NLGN1: variants seen among roughly 807,000 people sequenced by gnomAD.
NLGN1 encodes neuroligin 1, also known as neuroligin-1.
NLGN1 carries 12 observed loss-of-function variants against 65.5 expected under a neutral mutation model. That is an observed-to-expected ratio of 0.18 (90% CI 0.12 to 0.30). The LOEUF is 0.30. NLGN1 is among the 10% of genes least tolerant of loss of function. The pLI, the probability that NLGN1 is intolerant of heterozygous loss-of-function variation, is 1.00. For synonymous variants in NLGN1, 350 were observed against 359.5 expected (o/e 0.97, Z 0.30); for missense variants, 750 against 1,007.1 (o/e 0.74, Z 3.46).
intron 4 of NLGN1, among the ~76,000 whole-genome samples, chr3:174,015,915 T>G (rs1049528364): frequency 6.6e-6 from 1 of 151,748 alleles, no homozygotes; most frequent in African/African-American, 2.4e-5. Context: ...AAGAGTAAAA[T>G]AAAAGGTGGC....
chr3:173,454,950 A>G (rs1353449085), intron 2 of NLGN1, among the ~76,000 whole-genome samples: 1 of 152,166 alleles, frequency 6.6e-6, no homozygotes, highest in Admixed American at 6.5e-5. Context: ...CCTAACTTTA[A>G]TACTGTTGTG....
intron 4 of NLGN1, among the ~76,000 whole-genome samples, chr3:173,928,961 T>G (rs1743537109): frequency 1.3e-5 from 2 of 152,196 alleles, no homozygotes; most frequent in African/African-American, 4.8e-5. Flanking sequence ...TGAGCCACCA[T>G]GCCTGGCCTG....
At chr3:173,398,276 A>T (rs1716993129), upstream of NLGN1, among the ~76,000 whole-genome samples, 1 of 152,136 alleles carries the variant, frequency 6.6e-6, no homozygotes, top group Admixed American at 6.5e-5. Flanking sequence ...TTTGACAGGG[A>T]TAAGAAAGTT....
chr3:174,033,777 A>G (rs1730536961), intron 4 of NLGN1, among the ~76,000 whole-genome samples: 1 of 152,172 alleles, frequency 6.6e-6, no homozygotes, highest in Non-Finnish European at 1.5e-5. Context: ...GAGAATTTAA[A>G]AAGCAAAACA....
intron 4 of NLGN1, among the ~76,000 whole-genome samples, chr3:173,826,906 G>T (rs1185546118): frequency 3.9e-5 from 6 of 152,012 alleles, no homozygotes; most frequent in Admixed American, 6.6e-5. Context: ...TTTTAGATGG[G>T]GGTTGGAGGA....
At position 173,675,939 on chromosome 3, in the gene NLGN1, C is replaced by T. The variant is rs945192073; in HGVS notation, c.493+70848C>T. Among the ~76,000 whole-genome samples, 22 of 148,364 alleles carry T rather than the reference C, an allele frequency of 1.5e-4. No homozygotes were observed. The South Asian group carries it at 1.7e-3, about 11-fold the overall frequency. On this transcript the variant is annotated intron_variant, in intron 3 of 6. Transcript: ENST00000457714. The stretch of plus-strand genomic sequence containing the variant: ...CACACACACTAGAGTATAAGTAAAA[C>T]TGGGAAAATCTTAATAGGATTAGTG...
At chr3:173,677,014 G>A (rs936286281) in intron 3 of NLGN1, among the ~76,000 whole-genome samples, 2 of 152,084 alleles carry the variant, frequency 1.3e-5, no homozygotes, top group Non-Finnish European at 2.9e-5. Flanking sequence ...GATAGAGCAT[G>A]TATAAATTCC....
intron 4 of NLGN1, among the ~76,000 whole-genome samples, chr3:173,890,789 T>C (rs980180628): frequency 1.4e-4 from 22 of 152,170 alleles, no homozygotes; most frequent in African/African-American, 4.8e-4. Flanking sequence ...CACATGGCAA[T>C]AGGAGCCAGT....
At chr3:174,065,026 G>A (rs976740272) in intron 4 of NLGN1, among the ~76,000 whole-genome samples, 7 of 151,606 alleles carry the variant, frequency 4.6e-5, no homozygotes, top group African/African-American at 1.7e-4. Context: ...AATAAGTACA[G>A]TATATAATCC....
chr3:173,981,907 C>T (rs954864436), intron 4 of NLGN1, among the ~76,000 whole-genome samples: 1 of 151,954 alleles, frequency 6.6e-6, no homozygotes, highest in African/African-American at 2.4e-5. Flanking sequence ...AACTTCCAAG[C>T]TGCTTTCTTT....
intron 1 of NLGN1, among the ~76,000 whole-genome samples, chr3:173,412,962 T>C (rs9835050): frequency 0.024 from 3,671 of 152,248 alleles, 129 homozygotes; most frequent in African/African-American, 0.082. Context: ...AAGAAAGTAA[T>C]TGATTAACTG....
At chr3:174,138,583 C>T (rs569381206) in intron 4 of NLGN1, among the ~76,000 whole-genome samples, 7 of 151,790 alleles carry the variant, frequency 4.6e-5, no homozygotes, top group African/African-American at 9.7e-5. Flanking sequence ...GACAGGCCCC[C>T]GCCACCACGC....
At chr3:173,909,549 A>C (rs1313934527) in intron 4 of NLGN1, among the ~76,000 whole-genome samples, 2 of 152,232 alleles carry the variant, frequency 1.3e-5, no homozygotes, top group African/African-American at 4.8e-5. Context: ...TGCCTGGAGA[A>C]GCTAATGGTT....
chr3:174,061,657 C>T (rs1325228548), intron 4 of NLGN1, among the ~76,000 whole-genome samples: 2 of 152,062 alleles, frequency 1.3e-5, no homozygotes, highest in Non-Finnish European at 2.9e-5. Flanking sequence ...AAATAGCTAT[C>T]AACAGAATTA....
intron 2 of NLGN1, among the ~76,000 whole-genome samples, chr3:173,590,755 G>A (rs1195925651): frequency 6.6e-6 from 1 of 152,002 alleles, no homozygotes; most frequent in Non-Finnish European, 1.5e-5. Flanking sequence ...TTTAAATAAT[G>A]TACAAAATTC....
intron 2 of NLGN1, among the ~76,000 whole-genome samples, chr3:173,481,334 T>C (rs1327899028): frequency 6.6e-6 from 1 of 151,992 alleles, no homozygotes; most frequent in East Asian, 1.9e-4. Flanking sequence ...ATGGAAAAGA[T>C]TGAAAGGAAA....
At chr3:174,032,154 C>T (rs562255935) in intron 4 of NLGN1, among the ~76,000 whole-genome samples, 1 of 152,088 alleles carries the variant, frequency 6.6e-6, no homozygotes, top group Non-Finnish European at 1.5e-5. Context: ...CAAGAAGCCA[C>T]TGGAGTATGT....
intron 2 of NLGN1, among the ~76,000 whole-genome samples, chr3:173,544,822 C>A (rs1007052546): frequency 1.3e-4 from 19 of 151,936 alleles, no homozygotes; most frequent in African/African-American, 4.1e-4. Flanking sequence ...AACTAAGGAA[C>A]CTCAACATTA....
intron 4 of NLGN1, among the ~76,000 whole-genome samples, chr3:173,883,002 A>G (rs1480584074): frequency 7.4e-6 from 1 of 135,394 alleles, no homozygotes; most frequent in Non-Finnish European, 1.5e-5. Flanking sequence ...TTGCTGTTTC[A>G]CTTACTGATA....
Sources: allele counts gnomAD v4.1 joint callset (sites outside exome capture counted in the v4.1 genomes callset), GRCh38; gene constraint gnomAD v4.1.1; transcripts MANE v1.5; gene names NCBI Gene and HGNC (gene_info 2026-07-23, HGNC 2026-07-21).